EYA1: variants seen among roughly 807,000 people sequenced by gnomAD.
The protein encoded by EYA1 is protein phosphatase EYA1.
In EYA1, 16 loss-of-function variants were observed where a neutral mutation model predicts 82.0. The ratio of observed to expected loss-of-function variants is 0.20; its 90% CI spans 0.13 to 0.30. EYA1 has a LOEUF of 0.30. Among genes scored for constraint, EYA1 ranks in the 10% least tolerant of loss-of-function variants. The pLI, the probability that EYA1 is intolerant of heterozygous loss-of-function variation, is 1.00. For synonymous variants in EYA1, 261 were observed against 264.4 expected (o/e 0.99, Z 0.12); for missense variants, 633 against 730.7 (o/e 0.87, Z 1.54).
In EYA1 at chr8:71,542,933, C is replaced by T. The variant is rs113119713; in HGVS notation, c.-73+4931G>A. ...TTTTCTTGTAAATTTGTTTAAGTTC[C>T]TTATAGATGCTGGATATTAGACTTT... On this transcript the variant is annotated intron_variant, in intron 1 of 18. Transcript: ENST00000643681. Among the ~76,000 whole-genome samples, 14 of 151,986 alleles carry T rather than the reference C, an allele frequency of 9.2e-5. 3 individuals carry two copies. The highest frequency in any genetic ancestry group is 3.1e-4 in the African/African-American group (13 of 41,444).
chr8:71,493,563 T>C (rs1811173968), intron 2 of EYA1, among the ~76,000 whole-genome samples: 1 of 152,238 alleles, frequency 6.6e-6, no homozygotes, highest in African/African-American at 2.4e-5. Flanking sequence ...AGGAACTTTC[T>C]GAAAGTCTCC....
intron 2 of EYA1, among the ~76,000 whole-genome samples, chr8:71,450,618 AAAG>A (rs1469961765): frequency 2.0e-5 from 3 of 152,222 alleles, no homozygotes; most frequent in Non-Finnish European, 4.4e-5. Flanking sequence ...ACTGAAACAC[AAAG>A]GGAGCATGTG....
intron 4 of EYA1, among the ~76,000 whole-genome samples, chr8:71,330,608 T>C (rs1823726515): frequency 6.6e-6 from 1 of 152,110 alleles, no homozygotes; most frequent in Non-Finnish European, 1.5e-5. Context: ...TAGGAGCACA[T>C]ACTATCTGCT....
At chr8:71,342,204 T>C (rs776298888) in intron 3 of EYA1, among the ~76,000 whole-genome samples, 1 of 152,144 alleles carries the variant, frequency 6.6e-6, no homozygotes. Flanking sequence ...GCTCAAAATA[T>C]TCAGTGGCTT....
chr8:71,444,348 A>G (rs1806679427), intron 2 of EYA1, among the ~76,000 whole-genome samples: 1 of 152,252 alleles, frequency 6.6e-6, no homozygotes, highest in Non-Finnish European at 1.5e-5. Context: ...TAGAAAAGAC[A>G]GCAACAAGAA....
chr8:71,512,939 C>G (rs1008040395), intron 2 of EYA1, among the ~76,000 whole-genome samples: 1 of 152,054 alleles, frequency 6.6e-6, no homozygotes, highest in East Asian at 1.9e-4. Context: ...ATGGGATATT[C>G]AAGGAGAAAA....
chr8:71,222,732 GA>G, intron 12 of EYA1, among the ~76,000 whole-genome samples: 1 of 152,298 alleles, frequency 6.6e-6, no homozygotes, highest in Middle Eastern at 3.4e-3. Context: ...TAAAGATTCA[GA>G]AAAGCTAAAT....
upstream of EYA1, among the ~76,000 whole-genome samples, chr8:71,366,992 T>G (rs1827796143): frequency 6.6e-6 from 1 of 152,174 alleles, no homozygotes; most frequent in African/African-American, 2.4e-5. Context: ...AGCTGATTAT[T>G]TCTGAAAACA....
At chr8:71,339,815 T>C (rs562903153) in intron 3 of EYA1, among the ~76,000 whole-genome samples, 3 of 152,336 alleles carry the variant, frequency 2.0e-5, no homozygotes, top group African/African-American at 7.2e-5. Context: ...CTTTTTATCA[T>C]TGTTCAATAT....
upstream of EYA1, chr8:71,362,284 T>TAAAAA: frequency 1.5e-6 from 1 of 656,754 alleles, no homozygotes; most frequent in Non-Finnish European, 1.9e-6. Flanking sequence ...CCTTGCTGTT[T>TAAAAA]AAAAAAAAAA....
Position 71,198,834 on chromosome 8 carries a change from T to A in EYA1, c.*506A>T, listed in dbSNP as rs1358866265. The A allele has an allele frequency of 6.7e-6, 1 of 149,404 alleles. No individual in the cohort carries two copies. The highest frequency in any genetic ancestry group is 1.8e-4 in the South Asian group (1 of 5,702). 9.3% of individuals were successfully genotyped at this position (149,404 alleles called of 1,614,324 possible). On this transcript the variant is annotated 3_prime_UTR_variant, in exon 18 of 18. Coordinates refer to ENST00000340726, the MANE Select transcript of EYA1 (RefSeq NM_000503.6). ...TTATACCTCAATAAAGCTGTTTTTTTATCTTTTTAAAAAAAGTCTGTTCAT... is the reference window on the plus strand; with the variant it reads ...TTATACCTCAATAAAGCTGTTTTTTAATCTTTTTAAAAAAAGTCTGTTCAT...
intron 2 of EYA1, among the ~76,000 whole-genome samples, chr8:71,450,945 C>A (rs912958549): frequency 6.6e-6 from 1 of 152,146 alleles, no homozygotes; most frequent in Non-Finnish European, 1.5e-5. Context: ...CTACTAAAAA[C>A]ATGCAAAAGA....
At chr8:71,401,809 A>C (rs1375242464) in intron 2 of EYA1, among the ~76,000 whole-genome samples, 3 of 152,182 alleles carry the variant, frequency 2.0e-5, no homozygotes, top group South Asian at 2.1e-4. Context: ...TACTACTACC[A>C]CCACTTTCTG....
At chr8:71,538,580 T>C (rs1814899373) in intron 1 of EYA1, among the ~76,000 whole-genome samples, 1 of 151,586 alleles carries the variant, frequency 6.6e-6, no homozygotes, top group Non-Finnish European at 1.5e-5. Flanking sequence ...CCTATCCACC[T>C]ACTTGCCTGC....
intron 4 of EYA1, among the ~76,000 whole-genome samples, chr8:71,332,991 C>CA (rs1824063041): frequency 6.6e-6 from 1 of 152,190 alleles, no homozygotes; most frequent in African/African-American, 2.4e-5. Flanking sequence ...ACCTGGTCTC[C>CA]ACTAGGTCCC....
At chr8:71,511,644 C>T (rs536527780) in intron 2 of EYA1, among the ~76,000 whole-genome samples, 3 of 152,188 alleles carry the variant, frequency 2.0e-5, no homozygotes, top group South Asian at 2.1e-4. Context: ...AAAGGGTGCA[C>T]GTGGAGAAGA....
At chr8:71,215,339 C>A in intron 16 of EYA1, 48 bp downstream of exon 16, 1 of 1,588,742 alleles carries the variant, frequency 6.3e-7, no homozygotes, top group Non-Finnish European at 8.6e-7. Flanking sequence ...TTTTTATTAT[C>A]CTGAAGGAAA....
intron 2 of EYA1, among the ~76,000 whole-genome samples, chr8:71,419,222 G>T (rs904629502): frequency 1.3e-5 from 2 of 152,102 alleles, no homozygotes; most frequent in African/African-American, 4.8e-5. Flanking sequence ...AAGAATGGAA[G>T]CAAGGGAACC....
chr8:71,227,239 G>A (rs969227830), intron 12 of EYA1, among the ~76,000 whole-genome samples: 5 of 151,932 alleles, frequency 3.3e-5, no homozygotes, highest in Non-Finnish European at 7.4e-5. Flanking sequence ...ATTTACTGCT[G>A]AACTTATTTC....
Sources: gnomAD v4.1 joint callset for allele counts (sites outside exome capture counted in the v4.1 genomes callset) on GRCh38, gnomAD v4.1.1 for gene constraint, MANE v1.5 for transcripts, NCBI Gene and HGNC (gene_info 2026-07-23, HGNC 2026-07-21) for gene names.